Variants in ZMYND11 observed in about 807,000 individuals in gnomAD.
ZMYND11 encodes the protein zinc finger MYND domain-containing protein 11.
In ZMYND11, 9 loss-of-function variants were observed where a neutral mutation model predicts 84.9. That is an observed-to-expected ratio of 0.11 (90% CI 0.06 to 0.18). ZMYND11 has a LOEUF of 0.18. Ranked by LOEUF, ZMYND11 falls within the 10% of genes least tolerant of loss-of-function variation. The pLI, the probability that ZMYND11 is intolerant of heterozygous loss-of-function variation, is 1.00. For synonymous variants in ZMYND11, 250 were observed against 244.1 expected (o/e 1.02, Z -0.23); for missense variants, 409 against 761.0 (o/e 0.54, Z 5.44).
chr10:241,935 T>TTA, intron 9 of ZMYND11, 86 bp from the exon 10 acceptor site: 1 of 1,462,946 alleles, frequency 6.8e-7, no homozygotes, highest in Non-Finnish European at 9.4e-7. Flanking sequence ...AAATAATGGA[T>TTA]TATATGTGAC....
intron 1 of ZMYND11, among the ~76,000 whole-genome samples, chr10:146,276 T>C (rs972894158): frequency 6.6e-6 from 1 of 152,232 alleles, no homozygotes; most frequent in Non-Finnish European, 1.5e-5. Flanking sequence ...TTGCTTACTA[T>C]AGCCTTGTAG....
At chr10:240,837 AG>A (rs1950774566) in intron 8 of ZMYND11, 55 bp from the exon 9 acceptor site, 2 of 1,214,128 alleles carry the variant, frequency 1.6e-6, no homozygotes, top group Non-Finnish European at 2.4e-6. Context: ...CATTTTATAT[AG>A]TTTAATGTGT....
chr10:217,708 C>T (rs924011482), intron 3 of ZMYND11, among the ~76,000 whole-genome samples: 1 of 152,052 alleles, frequency 6.6e-6, no homozygotes, highest in African/African-American at 2.4e-5. Flanking sequence ...CAGGCACTCC[C>T]GTAAGGACTG....
At chr10:146,199 C>G (rs1485919614) in intron 1 of ZMYND11, among the ~76,000 whole-genome samples, 4 of 152,022 alleles carry the variant, frequency 2.6e-5, no homozygotes, top group African/African-American at 9.7e-5. Context: ...AAGTATTTGG[C>G]CTTATTTCTA....
At chr10:184,739 G>A (rs951165116) in intron 2 of ZMYND11, among the ~76,000 whole-genome samples, 2 of 152,014 alleles carry the variant, frequency 1.3e-5, no homozygotes, top group Admixed American at 6.6e-5. Context: ...TCATTCTTAC[G>A]TGAAATCACT....
chr10:148,747 A>C (rs1047844027), intron 1 of ZMYND11: 1 of 152,274 alleles, frequency 6.6e-6, no homozygotes, highest in African/African-American at 2.4e-5. Context: ...GGTGCTCACC[A>C]GGGCCCCATC....
chr10:227,944 A>G (rs1290189567), intron 4 of ZMYND11, among the ~76,000 whole-genome samples: 1 of 152,242 alleles, frequency 6.6e-6, no homozygotes, highest in African/African-American at 2.4e-5. Flanking sequence ...TATTGAAAAC[A>G]ACTAATGAAC....
chr10:208,442 A>G (rs575459887), intron 2 of ZMYND11, among the ~76,000 whole-genome samples: 1 of 152,342 alleles, frequency 6.6e-6, no homozygotes, highest in Non-Finnish European at 1.5e-5. Flanking sequence ...AAACAAATTT[A>G]CAAGAAAAAA....
intron 4 of ZMYND11, among the ~76,000 whole-genome samples, chr10:226,223 TCCTC>T (rs1284903745): frequency 1.3e-5 from 2 of 152,156 alleles, no homozygotes; most frequent in African/African-American, 4.8e-5. Flanking sequence ...TCCCCACCCT[TCCTC>T]TCCCTAGTAT....
intron 10 of ZMYND11, among the ~76,000 whole-genome samples, chr10:243,083 T>C (rs1951372353): frequency 6.6e-6 from 1 of 152,224 alleles, no homozygotes; most frequent in Non-Finnish European, 1.5e-5. Context: ...ATAATGTATT[T>C]TTGGTAGGTT....
At chr10:230,472 C>CAA (rs59145964) in intron 4 of ZMYND11, among the ~76,000 whole-genome samples, 24 of 52,752 alleles carry the variant, frequency 4.5e-4, no homozygotes, top group African/African-American at 9.6e-4. Context: ...GACTCAGTCT[C>CAA]AAAAAAAAAA....
chr10:247,537 T>C, intron 12 of ZMYND11, 71 bp downstream of exon 12: 5 of 1,460,894 alleles, frequency 3.4e-6, no homozygotes, highest in Middle Eastern at 1.7e-4. Flanking sequence ...TTTTGTATTT[T>C]CAAAGTATTT....
At chr10:233,024 G>C (rs1180869264) in intron 4 of ZMYND11, among the ~76,000 whole-genome samples, 1 of 152,188 alleles carries the variant, frequency 6.6e-6, no homozygotes, top group Non-Finnish European at 1.5e-5. Context: ...TAGAATCAGG[G>C]CTGCTGCACC....
chr10:158,987 T>TG (rs1237605591), intron 1 of ZMYND11, among the ~76,000 whole-genome samples: 6 of 134,382 alleles, frequency 4.5e-5, no homozygotes, highest in East Asian at 2.1e-4. Flanking sequence ...GTTTTTTGTT[T>TG]TTTGTTTTTT....
chr10:134,900 C>A (rs1179717260), upstream of ZMYND11: 1 of 151,370 alleles, frequency 6.6e-6, no homozygotes, highest in Non-Finnish European at 1.5e-5. Context: ...AAGGTAGGAG[C>A]CGCGTGCACG....
chr10:249,818 TTATA>T, intron 14 of ZMYND11: 1 of 937,112 alleles, frequency 1.1e-6, no homozygotes, highest in African/African-American at 1.8e-5. Flanking sequence ...CAAGCCTATA[TTATA>T]TAAATACACA....
chr10:151,928 A>G (rs1840467605), intron 1 of ZMYND11, among the ~76,000 whole-genome samples: 1 of 152,248 alleles, frequency 6.6e-6, no homozygotes, highest in African/African-American at 2.4e-5. Flanking sequence ...CATGAAGAAA[A>G]GAGGTTTCAA....
At chr10:136,835 C>A (rs1290129073) in intron 1 of ZMYND11, among the ~76,000 whole-genome samples, 1 of 152,002 alleles carries the variant, frequency 6.6e-6, no homozygotes, top group Non-Finnish European at 1.5e-5. Context: ...TCATATACAG[C>A]CCTTACGCGG....
At chr10:192,819 T>C (rs183336673) in intron 2 of ZMYND11, among the ~76,000 whole-genome samples, 70 of 152,380 alleles carry the variant, frequency 4.6e-4, no homozygotes, top group Admixed American at 3.2e-3. Context: ...GGTGTTCTTA[T>C]AAGGTTTTGG....
Sources: gnomAD v4.1 joint callset for allele counts (sites outside exome capture counted in the v4.1 genomes callset) on GRCh38, gnomAD v4.1.1 for gene constraint, MANE v1.5 for transcripts, NCBI Gene and HGNC (gene_info 2026-07-23, HGNC 2026-07-21) for gene names.